SCLT1: variants seen among roughly 807,000 people sequenced by gnomAD.
The protein encoded by SCLT1 is sodium channel-associated protein 1.
In SCLT1, 78 loss-of-function variants were observed where a neutral mutation model predicts 112.8. The ratio of observed to expected loss-of-function variants is 0.69; its 90% CI spans 0.58 to 0.83. The LOEUF (loss-of-function observed/expected upper bound fraction) is 0.83, where lower values mean the gene tolerates loss of function less well. Ranked by LOEUF, SCLT1 falls within the 40% of genes least tolerant of loss-of-function variation. The pLI is 0.00. For missense variants in SCLT1, 747 were observed against 770.4 expected, an observed-to-expected ratio of 0.97 and a Z score of 0.36; for synonymous variants, 257 against 254.7, an observed-to-expected ratio of 1.01 and a Z score of -0.09.
chr4:129,057,233 A>G (rs1398505937), intron 2 of SCLT1, among the ~76,000 whole-genome samples: 1 of 151,966 alleles, frequency 6.6e-6, no homozygotes, highest in African/African-American at 2.4e-5. Flanking sequence ...TCTTTTTCCA[A>G]TTATTTTGTT....
intron 2 of SCLT1, among the ~76,000 whole-genome samples, chr4:129,066,284 CAG>C (rs1054790436): frequency 2.0e-5 from 3 of 151,812 alleles, no homozygotes; most frequent in African/African-American, 7.3e-5. Context: ...AAAAATATAA[CAG>C]AGGAAATCTG....
At chr4:129,026,612 T>C (rs563101030) in intron 5 of SCLT1, among the ~76,000 whole-genome samples, 16 of 151,994 alleles carry the variant, frequency 1.1e-4, no homozygotes, top group African/African-American at 3.4e-4. Context: ...AGATCCAAAA[T>C]TGACACCCTA....
chr4:128,940,102 A>G (rs907731475), intron 17 of SCLT1, among the ~76,000 whole-genome samples: 1 of 152,132 alleles, frequency 6.6e-6, no homozygotes, highest in African/African-American at 2.4e-5. Context: ...TACTATCCTG[A>G]AATGTTAAAG....
intron 5 of SCLT1, among the ~76,000 whole-genome samples, chr4:129,026,386 A>C (rs1177406716): frequency 1.3e-5 from 2 of 152,156 alleles, no homozygotes; most frequent in Non-Finnish European, 2.9e-5. Flanking sequence ...AGAACTCAGG[A>C]CTAAGAAACT....
At chr4:128,945,653 T>C (rs1426966782) in intron 16 of SCLT1, among the ~76,000 whole-genome samples, 1 of 152,082 alleles carries the variant, frequency 6.6e-6, no homozygotes, top group South Asian at 2.1e-4. Flanking sequence ...TGGATCATTA[T>C]AGAATATTCA....
intron 9 of SCLT1, among the ~76,000 whole-genome samples, chr4:128,988,896 T>G (rs1174944487): frequency 6.6e-6 from 1 of 151,906 alleles, no homozygotes; most frequent in African/African-American, 2.4e-5. Context: ...TGTTATTATA[T>G]AATGATAAAG....
intron 5 of SCLT1, among the ~76,000 whole-genome samples, chr4:129,004,610 T>C (rs1226843457): frequency 1.3e-5 from 2 of 152,074 alleles, no homozygotes; most frequent in Admixed American, 6.6e-5. Context: ...TTATTTCATA[T>C]AATCATAAGC....
chr4:128,970,772 GATAC>G (rs1740624108), intron 9 of SCLT1: 1 of 225,730 alleles, frequency 4.4e-6, no homozygotes, highest in Non-Finnish European at 8.7e-6. Flanking sequence ...TTATCATCTT[GATAC>G]ATTACCTAAC....
chr4:128,933,751 A>G (rs1396995228), intron 18 of SCLT1, among the ~76,000 whole-genome samples: 1 of 152,108 alleles, frequency 6.6e-6, no homozygotes, highest in Non-Finnish European at 1.5e-5. Context: ...TTAGAACTAC[A>G]AGTTTATTCA....
At chr4:129,010,004 TTAA>T (rs1579686317) in intron 5 of SCLT1, among the ~76,000 whole-genome samples, 1 of 152,204 alleles carries the variant, frequency 6.6e-6, no homozygotes, top group African/African-American at 2.4e-5. Flanking sequence ...TGGTATCTTC[TTAA>T]TAAAATCTTT....
intron 18 of SCLT1, among the ~76,000 whole-genome samples, chr4:128,920,492 A>T (rs1328368806): frequency 1.3e-5 from 2 of 152,198 alleles, no homozygotes; most frequent in African/African-American, 4.8e-5. Context: ...GGGTTTTGCC[A>T]TGTTGGCCAG....
intron 6 of SCLT1, among the ~76,000 whole-genome samples, chr4:129,001,672 C>T (rs1275945369): frequency 6.6e-6 from 1 of 151,998 alleles, no homozygotes; most frequent in African/African-American, 2.4e-5. Context: ...ACAAATCATA[C>T]TGTAACAGAA....
At chr4:128,966,178 T>A (rs975356936) in intron 10 of SCLT1, among the ~76,000 whole-genome samples, 1 of 149,640 alleles carries the variant, frequency 6.7e-6, no homozygotes, top group Non-Finnish European at 1.5e-5. Flanking sequence ...TTACCTAGGC[T>A]GCACTCAAAC....
intron 18 of SCLT1, among the ~76,000 whole-genome samples, chr4:128,910,057 G>A (rs1293893166): frequency 1.3e-5 from 2 of 152,174 alleles, no homozygotes; most frequent in African/African-American, 4.8e-5. Flanking sequence ...TGAGGGCCCT[G>A]ACCAACTGCA....
intron 18 of SCLT1, among the ~76,000 whole-genome samples, chr4:128,921,587 T>TA (rs1426983430): frequency 6.6e-6 from 1 of 152,174 alleles, no homozygotes; most frequent in African/African-American, 2.4e-5. Context: ...GGTGCTCAGA[T>TA]AACTGTCCAT....
intron 9 of SCLT1, among the ~76,000 whole-genome samples, chr4:128,977,357 G>A (rs1208220420): frequency 6.6e-6 from 1 of 152,122 alleles, no homozygotes; most frequent in Non-Finnish European, 1.5e-5. Context: ...ACTATACCAA[G>A]TACTGTCTAT....
At chr4:129,019,374 C>CT (rs992618684) in intron 5 of SCLT1, among the ~76,000 whole-genome samples, 7 of 152,156 alleles carry the variant, frequency 4.6e-5, no homozygotes, top group African/African-American at 1.7e-4. Context: ...ATGCACCATT[C>CT]TTTTACATAC....
intron 14 of SCLT1, among the ~76,000 whole-genome samples, chr4:128,951,301 CT>C (rs1418816712): frequency 1.3e-5 from 2 of 152,034 alleles, no homozygotes; most frequent in Admixed American, 1.3e-4. Flanking sequence ...ATACTTCAAA[CT>C]TTTCAATTAC....
At chr4:128,917,655 C>A (rs749635458) in intron 18 of SCLT1, among the ~76,000 whole-genome samples, 2 of 152,072 alleles carry the variant, frequency 1.3e-5, no homozygotes, top group Non-Finnish European at 2.9e-5. Context: ...TTAATCAATT[C>A]AGTAAAAACT....
Sources: allele counts gnomAD v4.1 joint callset (sites outside exome capture counted in the v4.1 genomes callset), GRCh38; gene constraint gnomAD v4.1.1; transcripts MANE v1.5; gene names NCBI Gene and HGNC (gene_info 2026-07-23, HGNC 2026-07-21).